AMPH: variants seen among roughly 807,000 people sequenced by gnomAD.
The protein encoded by AMPH is amphiphysin (Stiff-Mann syndrome with breast cancer 128kD autoantigen).
In AMPH, 49 loss-of-function variants were observed where a neutral mutation model predicts 99.1. The observed-to-expected ratio is 0.49, with a 90% CI of 0.39 to 0.63. AMPH has a LOEUF of 0.63. Among genes scored for constraint, AMPH ranks in the 20% least tolerant of loss-of-function variants. The probability of loss-of-function intolerance (pLI) is 0.00; values close to 1 mark genes in which losing one functional copy is unlikely to be tolerated. For synonymous variants in AMPH, 314 were observed against 317.3 expected (o/e 0.99, Z 0.11); for missense variants, 759 against 863.4 (o/e 0.88, Z 1.52).
At chr7:38,573,307 G>T (rs1245848153) in intron 1 of AMPH, among the ~76,000 whole-genome samples, 7 of 151,938 alleles carry the variant, frequency 4.6e-5, no homozygotes, top group Non-Finnish European at 1.5e-5. Flanking sequence ...TTGCTATTTT[G>T]TACCTTTTGT....
intron 14 of AMPH, chr7:38,427,884 T>C (rs1315990323): frequency 2.2e-6 from 1 of 456,736 alleles, no homozygotes; most frequent in East Asian, 6.9e-5. Flanking sequence ...TCCATATCTC[T>C]GGTTAGCAAT....
chr7:38,582,098 A>T (rs182023270), intron 1 of AMPH, among the ~76,000 whole-genome samples: 127 of 152,302 alleles, frequency 8.3e-4, no homozygotes, highest in African/African-American at 2.9e-3. Flanking sequence ...CATAGATTAA[A>T]AAAAGAAAAG....
chr7:38,404,147 C>T (rs113213939), intron 17 of AMPH, among the ~76,000 whole-genome samples: 3 of 151,624 alleles, frequency 2.0e-5, no homozygotes, highest in Admixed American at 6.6e-5. Context: ...CTGAAGGTCA[C>T]GAGTCCTGCA....
intron 2 of AMPH, among the ~76,000 whole-genome samples, chr7:38,507,270 G>A (rs1405997604): frequency 6.6e-6 from 1 of 152,048 alleles, no homozygotes; most frequent in East Asian, 1.9e-4. Flanking sequence ...GTTCAAAATT[G>A]TACAATAATT....
intron 1 of AMPH, among the ~76,000 whole-genome samples, chr7:38,554,972 A>C (rs1791311929): frequency 6.6e-6 from 1 of 152,238 alleles, no homozygotes; most frequent in African/African-American, 2.4e-5. Flanking sequence ...ATGGTGAATT[A>C]GAATTATACC....
At chr7:38,495,341 A>T (rs1478870316) in intron 3 of AMPH, among the ~76,000 whole-genome samples, 1 of 152,230 alleles carries the variant, frequency 6.6e-6, no homozygotes, top group Non-Finnish European at 1.5e-5. Flanking sequence ...GAAGATTAAT[A>T]AAAACAAGTA....
At chr7:38,591,290 C>CTTTTTTT (rs67135369) in intron 1 of AMPH, among the ~76,000 whole-genome samples, 6 of 138,742 alleles carry the variant, frequency 4.3e-5, no homozygotes, top group Non-Finnish European at 9.2e-5. Flanking sequence ...TTTTCTTTTT[C>CTTTTTTT]TTTTTTTTTT....
At chr7:38,448,560 A>AT (rs1447320620) in intron 11 of AMPH, among the ~76,000 whole-genome samples, 1 of 152,208 alleles carries the variant, frequency 6.6e-6, no homozygotes, top group African/African-American at 2.4e-5. Context: ...ATAAAGGTGA[A>AT]TGTAGTGTGA....
chr7:38,403,656 G>A (rs560616437), intron 17 of AMPH, among the ~76,000 whole-genome samples: 2 of 152,326 alleles, frequency 1.3e-5, no homozygotes, highest in African/African-American at 4.8e-5. Context: ...TCTTGGCAGA[G>A]GCCGCCCCGA....
At chr7:38,507,800 C>T (rs761106785) in intron 2 of AMPH, among the ~76,000 whole-genome samples, 6 of 152,076 alleles carry the variant, frequency 3.9e-5, no homozygotes, top group Non-Finnish European at 5.9e-5. Flanking sequence ...GTTCTATGTC[C>T]TGGTCACAGG....
chr7:38,423,770 G>T (rs186054130), intron 15 of AMPH, among the ~76,000 whole-genome samples: 1 of 152,252 alleles, frequency 6.6e-6, no homozygotes, highest in East Asian at 1.9e-4. Context: ...AGGAGTGAGG[G>T]TGGTGGTAAC....
intron 1 of AMPH, among the ~76,000 whole-genome samples, chr7:38,609,843 C>A (rs1442665709): frequency 6.6e-6 from 1 of 152,026 alleles, no homozygotes; most frequent in Non-Finnish European, 1.5e-5. Flanking sequence ...ATACAGACAG[C>A]ACTCAATAAT....
At chr7:38,535,323 T>G (rs921256350) in intron 1 of AMPH, among the ~76,000 whole-genome samples, 1 of 152,224 alleles carries the variant, frequency 6.6e-6, no homozygotes, top group Non-Finnish European at 1.5e-5. Flanking sequence ...ACAGAAGCTA[T>G]GCCTTATTTG....
chr7:38,409,061 A>C (rs2128983870), intron 17 of AMPH, among the ~76,000 whole-genome samples: 2 of 152,368 alleles, frequency 1.3e-5, no homozygotes, highest in Middle Eastern at 6.8e-3. Context: ...TATAAAGTAG[A>C]AGCAGCACTA....
chr7:38,569,225 T>C (rs898327346), intron 1 of AMPH, among the ~76,000 whole-genome samples: 10 of 152,106 alleles, frequency 6.6e-5, no homozygotes, highest in African/African-American at 1.9e-4. Context: ...GAAATGACTT[T>C]TGTACAAATA....
chr7:38,406,713 C>CCTCTCTCCCTCT lies in AMPH; in HGVS notation c.1398+11111_1398+11112insAGAGGGAGAGAG, dbSNP rs1562732244. On this transcript the variant is annotated intron_variant, in intron 17 of 20. Transcript: ENST00000356264. ...GCTTGCTCTGAGTTCTCTCTCCTCT[C>CCTCTCTCCCTCT]CTCTCTCTCTCCCTTTCCCTCTCTC... Among the ~76,000 whole-genome samples the CCTCTCTCCCTCT allele has an allele frequency of 6.3e-4, 70 of 111,022 alleles. 1 individual carries two copies. The highest frequency in any genetic ancestry group is 1.4e-3 in the South Asian group (4 of 2,814). 72.8% of individuals were successfully genotyped at this position (111,022 alleles called of 152,430 possible).
chr7:38,393,691 C>T (rs918948593), intron 18 of AMPH, among the ~76,000 whole-genome samples: 1 of 152,158 alleles, frequency 6.6e-6, no homozygotes, highest in African/African-American at 2.4e-5. Flanking sequence ...CTCTTTCTCC[C>T]GGCTCCATTC....
chr7:38,461,723 C>T (rs1370667783), intron 10 of AMPH, among the ~76,000 whole-genome samples: 1 of 152,314 alleles, frequency 6.6e-6, no homozygotes, highest in East Asian at 1.9e-4. Flanking sequence ...GGGCAATACC[C>T]TCTTCTGAAC....
At position 38,436,378 on chromosome 7, in the gene AMPH, G is replaced by T. The variant is rs751328002; in HGVS notation, c.1028C>A (p.Pro343His). Residue 343 changes from proline (P) to histidine (H), a missense_variant, in exon 12 of 21, where the codon CCT becomes CAT. Around this residue, in one of 2 missense-constraint regions of AMPH, gnomAD observed 554 missense variants for 575.6 expected, o/e 0.96. Coordinates refer to ENST00000356264, the MANE Select transcript of AMPH (RefSeq NM_001635.4). ...SVTTPSQNEV[P>H]EVKKEETLLD... ...CAAAGTCTCCTCTTTCTTCACCTCA[G>T]GGACTTCATTCTGTTAAAGCAAACA... The T allele has an allele frequency of 1.2e-6, 2 of 1,613,656 alleles. No individual in the cohort carries two copies. Among genetic ancestry groups the T allele is most frequent in the South Asian group, 2.2e-5 (2 of 91,070 alleles).
Sources: gnomAD v4.1 joint callset for allele counts (sites outside exome capture counted in the v4.1 genomes callset) on GRCh38, gnomAD v4.1.1 for gene constraint, gnomAD v4.1.1 regional missense constraint, MANE v1.5 for transcripts, NCBI Gene and HGNC (gene_info 2026-07-23, HGNC 2026-07-21) for gene names.